Variants in SNUPN observed in about 807,000 individuals in gnomAD.
The protein encoded by SNUPN is snurportin 1.
In SNUPN, 31 loss-of-function variants were observed where a neutral mutation model predicts 39.2. The ratio of observed to expected loss-of-function variants is 0.79; its 90% confidence interval spans 0.59 to 1.07. The LOEUF (loss-of-function observed/expected upper bound fraction) is 1.07, where lower values mean the gene tolerates loss of function less well. SNUPN is among the 50% of genes least tolerant of loss of function. The pLI, the probability that SNUPN is intolerant of heterozygous loss-of-function variation, is 0.00. For missense variants in SNUPN, 382 were observed against 434.2 expected (o/e 0.88, Z 1.07); for synonymous variants, 132 against 159.0 (o/e 0.83, Z 1.28).
chr15:75,613,790 G>A (rs527889571), intron 3 of SNUPN, among the ~76,000 whole-genome samples: 202 of 152,300 alleles, frequency 1.3e-3, no homozygotes, highest in African/African-American at 4.5e-3. Context: ...ACAAGTGTTG[G>A]CAAAGCTGTG....
At chr15:75,600,766 C>A in intron 8 of SNUPN, 1 of 223,884 alleles carries the variant, frequency 4.5e-6, no homozygotes, top group Non-Finnish European at 9.0e-6. Flanking sequence ...TTACAAGCAG[C>A]CACGACAGCC....
At chr15:75,622,598 G>C in intron 1 of SNUPN, 1 of 630,200 alleles carries the variant, frequency 1.6e-6, no homozygotes, top group Non-Finnish European at 2.0e-6. Context: ...GACTTGCACT[G>C]CTGGGCTGGC....
intron 1 of SNUPN, among the ~76,000 whole-genome samples, chr15:75,623,231 G>A (rs960257397): frequency 6.6e-6 from 1 of 151,668 alleles, no homozygotes; most frequent in Non-Finnish European, 1.5e-5. Context: ...CACAACCTCC[G>A]CCTCCCAGGT....
chr15:75,609,476 A>T, intron 5 of SNUPN, 82 bp downstream of exon 5: 1 of 1,086,178 alleles, frequency 9.2e-7, no homozygotes, highest in South Asian at 1.2e-5. Flanking sequence ...GGCGTGAGCC[A>T]CCGCGCCCGG....
At chr15:75,602,993 C>T (rs370612956) in intron 7 of SNUPN, among the ~76,000 whole-genome samples, 2 of 152,036 alleles carry the variant, frequency 1.3e-5, no homozygotes, top group Non-Finnish European at 2.9e-5. Context: ...AGGCAGTCCA[C>T]CTGCCTTGGC....
At chr15:75,598,739 A>G in intron 8 of SNUPN, 58 bp from the exon 9 acceptor site, 1 of 1,407,150 alleles carries the variant, frequency 7.1e-7, no homozygotes, top group South Asian at 1.3e-5. Context: ...TGTTTCCAGG[A>G]GAGCCTATAC....
chr15:75,609,692 G>T, intron 4 of SNUPN, 41 bp from the exon 5 acceptor site: 1 of 1,467,506 alleles, frequency 6.8e-7, no homozygotes. Flanking sequence ...AGACCTCAAG[G>T]TCTCCTCGCC....
intron 6 of SNUPN, 133 bp downstream of exon 6, chr15:75,607,083 A>T (rs1413471395): frequency 1.1e-5 from 8 of 711,508 alleles, no homozygotes; most frequent in African/African-American, 3.5e-5. Flanking sequence ...AGGGAGCATT[A>T]GATAATGTTC....
rs531689606 is a variant in SNUPN at position 75,601,214 on chromosome 15, T to C, written c.683A>G (p.Lys228Arg). The C allele has an allele frequency of 7.5e-6, 12 of 1,608,294 alleles. No individual in the cohort carries two copies. The African/African-American group carries it at 1.6e-4, about 21-fold the overall frequency. Residue 228 changes from lysine (K) to arginine (R), a missense_variant, in exon 8 of 9, where the codon AAA (lysine) becomes AGA (arginine). Physicochemically the swap from Lys to Arg is conservative, Grantham distance 26. Transcript: ENST00000308588. ...AGGGAAGTTCTTTAGCCCCACAAAT[T>C]TAAACTGAAATAGAAATTAGAACAA... is the stretch of plus-strand genomic sequence containing the variant. ...LGEKTKLNPFKFVGLKNFPCT... is the reference protein window; with the variant it reads ...LGEKTKLNPFRFVGLKNFPCT...
At chr15:75,623,712 T>C (rs1463727332) in intron 1 of SNUPN, among the ~76,000 whole-genome samples, 1 of 152,136 alleles carries the variant, frequency 6.6e-6, no homozygotes, top group African/African-American at 2.4e-5. Context: ...CCCAAAGTGC[T>C]GGAATTACAA....
At chr15:75,601,260 G>A in intron 7 of SNUPN, 42 bp from the exon 8 acceptor site, 1 of 1,325,092 alleles carries the variant, frequency 7.5e-7, no homozygotes, top group Non-Finnish European at 1.1e-6. Context: ...CGTTATAAAT[G>A]ATACTGGCCC....
intron 3 of SNUPN, among the ~76,000 whole-genome samples, chr15:75,613,446 C>A (rs929701789): frequency 1.3e-5 from 2 of 151,084 alleles, no homozygotes; most frequent in Non-Finnish European, 2.9e-5. Context: ...AGTTCGAGAC[C>A]AGCCTGGTCA....
intron 3 of SNUPN, 134 bp downstream of exon 3, chr15:75,617,274 A>C: frequency 2.3e-6 from 2 of 883,296 alleles, no homozygotes; most frequent in Non-Finnish European, 3.5e-6. Flanking sequence ...GTACACTGGC[A>C]TGTTCTTTGC....
chr15:75,620,001 G>A (rs2141378108), intron 2 of SNUPN, among the ~76,000 whole-genome samples: 1 of 152,150 alleles, frequency 6.6e-6, no homozygotes, highest in South Asian at 2.1e-4. Flanking sequence ...CACCCACCTC[G>A]GCCACCCAAA....
intron 5 of SNUPN, 109 bp from the exon 6 acceptor site, chr15:75,607,422 T>C (rs1446096296): frequency 2.7e-6 from 2 of 733,000 alleles, no homozygotes; most frequent in Non-Finnish European, 5.0e-6. Flanking sequence ...CAATCCTCAG[T>C]GCTTGCAGCA....
In SNUPN at chr15:75,620,915, C is replaced by A. The variant is rs373605499; in HGVS notation, c.137G>T (p.Arg46Met). Residue 46 changes from arginine (R) to methionine (M), a missense_variant, in exon 2 of 9, where the codon AGG becomes ATG. Physicochemically the swap from Arg to Met is moderately conservative, Grantham distance 91. Transcript: ENST00000308588. ...SSLEQSERRR[R>M]LLELQKSKRL... The stretch of plus-strand genomic sequence containing the variant: ...TTACGATTTCTGCAGTTCCAGTAAC[C>A]TCCGGCGGCGCTCACTCTGCTCCAA... 2.0e-5 allele frequency: 32 copies of A among 1,613,450 alleles called. No homozygotes were observed. The highest frequency in any genetic ancestry group is 1.3e-5 in the African/African-American group (1 of 74,866).
chr15:75,623,448 CTT>C (rs36102472), intron 1 of SNUPN, among the ~76,000 whole-genome samples: 175 of 140,798 alleles, frequency 1.2e-3, no homozygotes, highest in African/African-American at 1.2e-3. Flanking sequence ...CACGCCCGGC[CTT>C]TTTTTTTTTT....
chr15:75,611,111 T>C (rs1368372683), intron 3 of SNUPN, among the ~76,000 whole-genome samples: 3 of 149,308 alleles, frequency 2.0e-5, no homozygotes, highest in Admixed American at 1.3e-4. Flanking sequence ...CAGGTTGCAA[T>C]AAGCCAAGAT....
chr15:75,605,032 C>A, intron 7 of SNUPN, 118 bp downstream of exon 7: 1 of 680,336 alleles, frequency 1.5e-6, no homozygotes. Flanking sequence ...GATACTCTTC[C>A]CTTTATACCA....
Sources: allele counts gnomAD v4.1 joint callset (sites outside exome capture counted in the v4.1 genomes callset), GRCh38; gene constraint gnomAD v4.1.1; transcripts MANE v1.5; gene names NCBI Gene and HGNC (gene_info 2026-07-23, HGNC 2026-07-21).